The following SLIT2 variants were observed in gnomAD, a reference collection of about 807,000 sequenced individuals.
SLIT2 encodes the protein slit guidance ligand 2, also known as slit homolog 2 protein.
In SLIT2, 41 loss-of-function variants were observed where a neutral mutation model predicts 185.7. The observed-to-expected ratio is 0.22, with a 90% CI of 0.17 to 0.29. The LOEUF is 0.29. Ranked by LOEUF, SLIT2 falls within the 10% of genes least tolerant of loss-of-function variation. The probability of loss-of-function intolerance (pLI) is 1.00; values close to 1 mark genes in which losing one functional copy is unlikely to be tolerated. For missense variants in SLIT2, 1,571 were observed against 1,909.0 expected (o/e 0.82, Z 3.30); for synonymous variants, 693 against 680.2 (o/e 1.02, Z -0.29).
chr4:20,585,975 AT>A (rs1178820565), intron 29 of SLIT2, among the ~76,000 whole-genome samples: 4 of 152,196 alleles, frequency 2.6e-5, no homozygotes, highest in African/African-American at 9.7e-5. Flanking sequence ...AATGTTAGTC[AT>A]TTTATCTCTA....
At chr4:20,496,776 T>C (rs896651894) in intron 9 of SLIT2, among the ~76,000 whole-genome samples, 2 of 152,116 alleles carry the variant, frequency 1.3e-5, no homozygotes, top group Non-Finnish European at 2.9e-5. Context: ...TTGATAAATA[T>C]TTATTGGGTA....
chr4:20,553,025 T>A (rs1260514756), intron 25 of SLIT2, among the ~76,000 whole-genome samples: 1 of 152,208 alleles, frequency 6.6e-6, no homozygotes, highest in Non-Finnish European at 1.5e-5. Context: ...ATTACCTTGA[T>A]TACTTTCCTG....
chr4:20,597,447 A>G (rs1368000304), intron 32 of SLIT2, among the ~76,000 whole-genome samples: 1 of 152,190 alleles, frequency 6.6e-6, no homozygotes, highest in African/African-American at 2.4e-5. Context: ...AAGTCTTTCC[A>G]CCAACTCACT....
chr4:20,590,630 C>T (rs1727445761), intron 30 of SLIT2, among the ~76,000 whole-genome samples: 1 of 152,128 alleles, frequency 6.6e-6, no homozygotes, highest in Admixed American at 6.5e-5. Flanking sequence ...TAAGTGAACA[C>T]AGAACTTCAA....
At chr4:20,548,269 A>G (rs1346850185) in intron 22 of SLIT2, among the ~76,000 whole-genome samples, 1 of 152,122 alleles carries the variant, frequency 6.6e-6, no homozygotes, top group Non-Finnish European at 1.5e-5. Flanking sequence ...CAATGCATAT[A>G]TATATAATCA....
At chr4:20,390,638 G>C (rs1394916112) in intron 4 of SLIT2, among the ~76,000 whole-genome samples, 2 of 151,874 alleles carry the variant, frequency 1.3e-5, no homozygotes, top group Non-Finnish European at 2.9e-5. Context: ...TAGAAGTAGT[G>C]CTGCTTTAAT....
chr4:20,514,837 T>C (rs1192758187), intron 11 of SLIT2, among the ~76,000 whole-genome samples: 2 of 151,802 alleles, frequency 1.3e-5, no homozygotes, highest in Non-Finnish European at 1.5e-5. Context: ...AATATATTGT[T>C]ACATAGTATA....
intron 11 of SLIT2, among the ~76,000 whole-genome samples, chr4:20,516,317 TATCA>T (rs1245652759): frequency 1.3e-5 from 2 of 152,148 alleles, no homozygotes; most frequent in East Asian, 3.8e-4. Context: ...AAAAAATCTC[TATCA>T]GAGTATATGT....
At chr4:20,283,120 G>GCGCGCGCGCA (rs143964894) in intron 4 of SLIT2, among the ~76,000 whole-genome samples, 1 of 149,958 alleles carries the variant, frequency 6.7e-6, no homozygotes, top group East Asian at 2.0e-4. Context: ...GTGCGCGCGC[G>GCGCGCGCGCA]CACACACACA....
intron 4 of SLIT2, among the ~76,000 whole-genome samples, chr4:20,326,053 C>G (rs1030988816): frequency 2.0e-5 from 3 of 152,034 alleles, no homozygotes; most frequent in Non-Finnish European, 4.4e-5. Flanking sequence ...TATTTTAATG[C>G]TCTTTTATGA....
chr4:20,536,526 C>G (rs943652153), intron 18 of SLIT2, among the ~76,000 whole-genome samples: 2 of 145,996 alleles, frequency 1.4e-5, no homozygotes, highest in Non-Finnish European at 3.0e-5. Flanking sequence ...CCATTGCCCT[C>G]CAGCCTGGGT....
At chr4:20,391,614 T>C (rs1043052809) in intron 4 of SLIT2, among the ~76,000 whole-genome samples, 1 of 152,158 alleles carries the variant, frequency 6.6e-6, no homozygotes, top group Non-Finnish European at 1.5e-5. Context: ...GTTAAAAACA[T>C]GTTTTAGCAC....
At chr4:20,519,317 G>A in intron 11 of SLIT2, 65 bp from the exon 12 acceptor site, 5 of 801,590 alleles carry the variant, frequency 6.2e-6, no homozygotes, top group Non-Finnish European at 1.1e-5. Context: ...GAGTAAATAT[G>A]TATTAGATGA....
At chr4:20,449,137 C>T (rs936571456) in intron 4 of SLIT2, among the ~76,000 whole-genome samples, 1 of 151,812 alleles carries the variant, frequency 6.6e-6, no homozygotes, top group South Asian at 2.1e-4. Context: ...ACAATTAAAT[C>T]AATTGTTTTC....
intron 4 of SLIT2, among the ~76,000 whole-genome samples, chr4:20,365,275 T>A (rs1404994441): frequency 1.3e-5 from 2 of 152,068 alleles, no homozygotes; most frequent in Non-Finnish European, 2.9e-5. Flanking sequence ...CTGCTGTTGG[T>A]GTTGATATAA....
At chr4:20,492,515 C>T (rs926111799) in intron 9 of SLIT2, among the ~76,000 whole-genome samples, 22 of 152,226 alleles carry the variant, frequency 1.4e-4, no homozygotes, top group Admixed American at 2.6e-4. Context: ...TCTATGTCCT[C>T]ACCAAATATA....
At chr4:20,523,261 G>A (rs1040642993) in intron 12 of SLIT2, among the ~76,000 whole-genome samples, 4 of 152,190 alleles carry the variant, frequency 2.6e-5, no homozygotes, top group African/African-American at 9.6e-5. Flanking sequence ...AGGCTGTTGT[G>A]ACGACTTAGG....
At chr4:20,374,533 A>G (rs917924367) in intron 4 of SLIT2, among the ~76,000 whole-genome samples, 4 of 152,056 alleles carry the variant, frequency 2.6e-5, no homozygotes, top group African/African-American at 9.7e-5. Context: ...CCTGCTGACC[A>G]TCTATCTGAT....
At chr4:20,325,452 A>C (rs1255862086) in intron 4 of SLIT2, among the ~76,000 whole-genome samples, 2 of 151,590 alleles carry the variant, frequency 1.3e-5, no homozygotes, top group African/African-American at 4.8e-5. Context: ...AAAAAAAAAA[A>C]AAAGAATAGA....
Sources: gnomAD v4.1 joint callset for allele counts (sites outside exome capture counted in the v4.1 genomes callset) on GRCh38, gnomAD v4.1.1 for gene constraint, MANE v1.5 for transcripts, NCBI Gene and HGNC (gene_info 2026-07-23, HGNC 2026-07-21) for gene names.